DEUP1: variants seen among roughly 807,000 people sequenced by gnomAD.
DEUP1 encodes deuterosome assembly protein 1, also known as coiled-coil domain containing 67.
Under a neutral mutation model 87.4 loss-of-function variants are expected in DEUP1, and 82 were observed. The observed-to-expected ratio is 0.94, with a 90% CI of 0.78 to 1.13. The LOEUF (loss-of-function observed/expected upper bound fraction) is 1.13. Ranked by LOEUF, DEUP1 falls within the 50% of genes most tolerant of loss-of-function variation. DEUP1 has a pLI of 0.00. For synonymous variants in DEUP1, 214 were observed against 222.7 expected, an observed-to-expected ratio of 0.96 and a Z score of 0.35; for missense variants, 663 against 681.5, an observed-to-expected ratio of 0.97 and a Z score of 0.30.
At chr11:93,383,310 G>T (rs557103398) in intron 7 of DEUP1, among the ~76,000 whole-genome samples, 4 of 152,266 alleles carry the variant, frequency 2.6e-5, no homozygotes, top group African/African-American at 9.6e-5. Flanking sequence ...ACTGATACAT[G>T]CTACAACATG....
intron 2 of DEUP1, among the ~76,000 whole-genome samples, chr11:93,345,571 A>G (rs185971115): frequency 3.0e-4 from 45 of 152,304 alleles, no homozygotes; most frequent in African/African-American, 1.0e-3. Context: ...GTGAGATGGC[A>G]TCTCATTATG....
chr11:93,379,709 C>T (rs1458302520), intron 7 of DEUP1, among the ~76,000 whole-genome samples: 1 of 152,030 alleles, frequency 6.6e-6, no homozygotes, highest in Admixed American at 6.5e-5. Context: ...TACCACACTT[C>T]TTCCTACTCC....
At chr11:93,387,786 T>C (rs1213868215) in intron 8 of DEUP1, among the ~76,000 whole-genome samples, 1 of 152,096 alleles carries the variant, frequency 6.6e-6, no homozygotes, top group Non-Finnish European at 1.5e-5. Flanking sequence ...GATCCTGAAA[T>C]AATATTTTAG....
At chr11:93,351,239 T>C (rs1419951640) in intron 2 of DEUP1, among the ~76,000 whole-genome samples, 3 of 151,988 alleles carry the variant, frequency 2.0e-5, no homozygotes, top group Admixed American at 6.6e-5. Flanking sequence ...AATAAACCAT[T>C]CATTCACTGA....
chr11:93,351,992 G>T (rs1944648333), intron 2 of DEUP1, among the ~76,000 whole-genome samples: 1 of 152,142 alleles, frequency 6.6e-6, no homozygotes, highest in African/African-American at 2.4e-5. Flanking sequence ...GTCTTTTGCT[G>T]TGTGGTATAC....
intron 13 of DEUP1, among the ~76,000 whole-genome samples, chr11:93,416,823 T>A (rs1452203410): frequency 1.3e-5 from 2 of 151,818 alleles, no homozygotes; most frequent in Non-Finnish European, 2.9e-5. Context: ...TCAAAAAGCT[T>A]ATCCACCATG....
intron 4 of DEUP1, among the ~76,000 whole-genome samples, chr11:93,358,821 G>A (rs2134225155): frequency 6.6e-6 from 1 of 152,242 alleles, no homozygotes; most frequent in East Asian, 1.9e-4. Context: ...GACCTCAGAT[G>A]ATATGCCCAC....
chr11:93,414,494 A>G (rs939271280), intron 12 of DEUP1, among the ~76,000 whole-genome samples: 2 of 152,080 alleles, frequency 1.3e-5, no homozygotes, highest in Non-Finnish European at 2.9e-5. Context: ...GCGACAGAGC[A>G]AGGCTCTGTC....
chr11:93,428,244 A>G (rs1591273408), intron 13 of DEUP1, among the ~76,000 whole-genome samples: 1 of 152,028 alleles, frequency 6.6e-6, no homozygotes, highest in South Asian at 2.1e-4. Flanking sequence ...GCACATGTAC[A>G]CCATGGAATA....
Position 93,437,526 on chromosome 11 carries a change from T to A in DEUP1, c.1639-17T>A. 6.3e-7 allele frequency: 1 copy of A among 1,590,708 alleles called. No individual in the cohort carries two copies. The highest frequency in any genetic ancestry group is 1.1e-5 in the South Asian group (1 of 88,268). On this transcript the variant is annotated splice_polypyrimidine_tract_variant and intron_variant, in intron 13 of 13. Transcript: ENST00000298050. Reference sequence around the variant, plus strand: ...GCTCTGTATTCCTCACTCACTTTTCTTTCTTTCTCTCTTTAGTCTCCCCCA... The same window carrying A: ...GCTCTGTATTCCTCACTCACTTTTCATTCTTTCTCTCTTTAGTCTCCCCCA...
At chr11:93,364,108 G>A (rs1945303119) in intron 4 of DEUP1, 52 bp from the exon 5 acceptor site, 2 of 1,320,358 alleles carry the variant, frequency 1.5e-6, no homozygotes, top group East Asian at 4.9e-5. Context: ...AGTGAAATCA[G>A]GTTAGAAATA....
At chr11:93,415,541 T>A (rs1006969506) in intron 13 of DEUP1, among the ~76,000 whole-genome samples, 1 of 151,956 alleles carries the variant, frequency 6.6e-6, no homozygotes, top group Non-Finnish European at 1.5e-5. Context: ...GACAGCTTGA[T>A]GAGTTATCAC....
chr11:93,336,789 ACACT>A (rs756459647), intron 2 of DEUP1, among the ~76,000 whole-genome samples: 15 of 152,250 alleles, frequency 9.9e-5, no homozygotes, highest in Non-Finnish European at 1.8e-4. Flanking sequence ...TTTCAGGCTG[ACACT>A]CACTTGCTAC....
chr11:93,360,488 T>C (rs1598547), intron 4 of DEUP1, among the ~76,000 whole-genome samples: 84,545 of 152,050 alleles, frequency 0.56, 23,884 homozygotes, highest in Admixed American at 0.66. Flanking sequence ...AGATGCCACA[T>C]GTTAGAATTA....
chr11:93,332,203 TTCC>T lies in DEUP1; in HGVS notation c.-44-8_-44-6del, dbSNP rs1220223797. The T allele has an allele frequency of 6.6e-5, 99 of 1,499,232 alleles. No individual in the cohort carries two copies. The African/African-American group carries it at 1.2e-3, about 19-fold the overall frequency. The allele number at this position is 1,499,232 out of a possible 1,614,324, so 92.9% of individuals were successfully genotyped here. A position where few individuals can be genotyped will look rare whatever the true frequency, so the allele number is the denominator to read the frequency against. On this transcript the variant is annotated splice_polypyrimidine_tract_variant and intron_variant, in intron 1 of 13. Transcript: ENST00000298050. Reference sequence around the variant, plus strand: ...AAACATTTTAGGAACTTGTATCATTTTCCTCCTAACAGATTAAAAATCAAGAAA... The same window carrying T: ...AAACATTTTAGGAACTTGTATCATTTTCCTAACAGATTAAAAATCAAGAAA...
chr11:93,387,962 C>G (rs1046422791), intron 8 of DEUP1, among the ~76,000 whole-genome samples: 1 of 151,970 alleles, frequency 6.6e-6, no homozygotes, highest in South Asian at 2.1e-4. Flanking sequence ...CATAAAAATG[C>G]TAATGATGGT....
chr11:93,352,708 C>T (rs959201990), intron 2 of DEUP1, among the ~76,000 whole-genome samples: 1 of 152,116 alleles, frequency 6.6e-6, no homozygotes, highest in African/African-American at 2.4e-5. Flanking sequence ...AAAGGCACTT[C>T]TTACATGGGG....
rs773529646 is a variant in DEUP1, at chr11:93,394,495, A to T, written c.1078A>T (p.Asn360Tyr). ...ACTCCAACAGGTGGAAGAGTACCAT[A>T]ACTCTGAGCAGGAAAGAATGAGGAA... ...SQLQQVEEYH[N>Y]SEQERMRNEI... Residue 360 changes from asparagine to tyrosine, a missense_variant, in exon 10 of 14, where the codon AAC becomes TAC. Transcript: ENST00000298050. 1.2e-6 allele frequency: 2 copies of T among 1,600,700 alleles called. No individual in the cohort carries two copies. Among genetic ancestry groups the T allele is most frequent in the Non-Finnish European group, 1.7e-6 (2 of 1,173,914 alleles).
intron 2 of DEUP1, 34 bp downstream of exon 2, chr11:93,332,322 G>A: frequency 6.4e-7 from 1 of 1,554,452 alleles, no homozygotes; most frequent in Non-Finnish European, 8.8e-7. Flanking sequence ...TAATAAGTAT[G>A]TGCTTAACTG....
Sources: allele counts gnomAD v4.1 joint callset (sites outside exome capture counted in the v4.1 genomes callset), GRCh38; gene constraint gnomAD v4.1.1; transcripts MANE v1.5; gene names NCBI Gene and HGNC (gene_info 2026-07-23, HGNC 2026-07-21).